The following MTMR10 variants were observed in gnomAD, a reference collection of about 807,000 sequenced individuals.
MTMR10 encodes the protein myotubularin-related protein 10.
Under a neutral mutation model 88.1 loss-of-function variants are expected in MTMR10, and 56 were observed. That is an observed-to-expected ratio of 0.64 (90% CI 0.51 to 0.79). The LOEUF is 0.79. MTMR10 is among the 30% of genes least tolerant of loss of function. The probability of loss-of-function intolerance (pLI) is 0.00; values close to 1 mark genes in which losing one functional copy is unlikely to be tolerated. For synonymous variants in MTMR10, 380 were observed against 340.9 expected (o/e 1.11, Z -1.26); for missense variants, 883 against 924.7 (o/e 0.95, Z 0.58).
At chr15:30,964,627 A>T (rs1336483973) in intron 6 of MTMR10, among the ~76,000 whole-genome samples, 4 of 152,204 alleles carry the variant, frequency 2.6e-5, no homozygotes, top group Non-Finnish European at 5.9e-5. Context: ...TCCAAAGTTC[A>T]AAAGACCTGA....
At chr15:30,922,143 A>G in the MTMR10 span, 25 of 1,450,130 alleles carry the variant, frequency 1.7e-5, no homozygotes, top group South Asian at 3.3e-4. Context: ...ACGCATTATA[A>G]ATAGGCTTTA....
At chr15:30,979,428 GT>G (rs1475917193) in intron 2 of MTMR10, among the ~76,000 whole-genome samples, 2 of 151,626 alleles carry the variant, frequency 1.3e-5, no homozygotes, top group African/African-American at 4.8e-5. Context: ...AGGCGTGGTG[GT>G]GCGCCAGGCG....
intron 13 of MTMR10, among the ~76,000 whole-genome samples, chr15:30,947,841 C>T (rs552453836): frequency 6.6e-6 from 1 of 152,308 alleles, no homozygotes; most frequent in Admixed American, 6.5e-5. Context: ...ACTGATCTGA[C>T]TGACCTGCCT....
the MTMR10 span, chr15:30,926,544 CA>C: frequency 1.2e-6 from 1 of 847,540 alleles, no homozygotes; most frequent in Non-Finnish European, 1.4e-6. Flanking sequence ...TAGGAGTTTA[CA>C]AAGCCCAGGT....
chr15:30,938,894 C>G (rs1287426149), downstream of MTMR10: 2 of 984,108 alleles, frequency 2.0e-6, no homozygotes, highest in African/African-American at 3.5e-5. Context: ...TTCACCTCTT[C>G]TATCAATCAC....
At chr15:30,958,666 ATTATAT>A (rs1319940541) in intron 9 of MTMR10, among the ~76,000 whole-genome samples, 191 bp downstream of exon 9, 1 of 152,210 alleles carries the variant, frequency 6.6e-6, no homozygotes, top group Admixed American at 6.5e-5. Context: ...AAATAATTAA[ATTATAT>A]TTAGTGTAAC....
At chr15:30,944,831 C>T (rs1595908832) in intron 14 of MTMR10, among the ~76,000 whole-genome samples, 4 of 151,302 alleles carry the variant, frequency 2.6e-5, no homozygotes, top group African/African-American at 7.3e-5. Context: ...GGCAACATGG[C>T]GAAACCCTGA....
the MTMR10 span, among the ~76,000 whole-genome samples, chr15:30,932,552 G>A: frequency 6.6e-6 from 1 of 151,992 alleles, no homozygotes; most frequent in African/African-American, 2.4e-5. Flanking sequence ...GAGATTTTGG[G>A]GGGAGGAAAA....
At chr15:30,933,141 C>T in the MTMR10 span, among the ~76,000 whole-genome samples, 3 of 152,054 alleles carry the variant, frequency 2.0e-5, no homozygotes, top group Non-Finnish European at 4.4e-5. Flanking sequence ...GGAGGTTTAT[C>T]AATTTACTGA....
Position 30,940,031 on chromosome 15 carries a change from G to C in MTMR10, c.*1439C>G. ...GAAACAGCTATTCAGTACATATAAA[G>C]GTAAAATACAGTTATCTTGAAAACA... On this transcript the variant is annotated 3_prime_UTR_variant, in exon 16 of 16. Transcript: ENST00000435680. 7 of 976,650 alleles carry C rather than the reference G, an allele frequency of 7.2e-6. No homozygotes were observed. The highest frequency in any genetic ancestry group is 8.5e-6 in the Non-Finnish European group (7 of 822,090). 60.5% of individuals were successfully genotyped at this position (976,650 alleles called of 1,614,324 possible). A position where few individuals can be genotyped will look rare whatever the true frequency, so the allele number is the denominator to read the frequency against.
intron 14 of MTMR10, among the ~76,000 whole-genome samples, chr15:30,944,270 CTT>C (rs2140992948): frequency 6.6e-6 from 1 of 152,214 alleles, no homozygotes; most frequent in East Asian, 1.9e-4. Flanking sequence ...TACACATACT[CTT>C]AACAGTTTTG....
Position 30,939,748 on chromosome 15 carries a change from A to G in MTMR10, c.*1722T>C, listed in dbSNP as rs940237694. ...AAAAAAGCAGCTAAATGAAAAAGGG[A>G]GAATTGTGATTACACTGTCAATGGC... On this transcript the variant is annotated 3_prime_UTR_variant, in exon 16 of 16. Coordinates refer to ENST00000435680, the MANE Select transcript of MTMR10 (RefSeq NM_017762.3). 7.1e-6 allele frequency: 7 copies of G among 984,708 alleles called. No individual in the cohort carries two copies. Among genetic ancestry groups the G allele is most frequent in the Non-Finnish European group, 6.0e-6 (5 of 829,376 alleles). The allele number at this position is 984,708 out of a possible 1,614,324, so 61.0% of individuals were successfully genotyped here.
intron 5 of MTMR10, among the ~76,000 whole-genome samples, chr15:30,971,088 C>A (rs2063532854): frequency 1.1e-4 from 16 of 152,034 alleles, no homozygotes; most frequent in Admixed American, 1.0e-3. Context: ...AAAGCCAGGG[C>A]CCCATTCTTT....
intron 12 of MTMR10, 76 bp downstream of exon 12, chr15:30,951,892 C>T: frequency 8.0e-7 from 1 of 1,246,148 alleles, no homozygotes; most frequent in Non-Finnish European, 1.2e-6. Context: ...ATGTGATTTA[C>T]TTGAATGGGG....
At chr15:30,930,882 G>A in the MTMR10 span, among the ~76,000 whole-genome samples, 1 of 152,164 alleles carries the variant, frequency 6.6e-6, no homozygotes, top group Non-Finnish European at 1.5e-5. Flanking sequence ...GAGCAAGACA[G>A]AGCTCCATCT....
rs1296017417 is a variant in MTMR10, at chr15:30,939,390, C to T, written c.*2080G>A. The T allele has an allele frequency of 7.1e-6, 7 of 985,374 alleles. No homozygotes were observed. In the East Asian group the frequency reaches 6.8e-4, roughly 96 times the overall value. The allele number at this position is 985,374 out of a possible 1,614,324, so 61.0% of individuals were successfully genotyped here. A position where few individuals can be genotyped will look rare whatever the true frequency, so the allele number is the denominator to read the frequency against. ...TAGTGCGCCCTGTGCAGCCACACCA[C>T]TGCTGTCACCACATGTCCCTCTGAC... is the stretch of plus-strand genomic sequence containing the variant. On this transcript the variant is annotated 3_prime_UTR_variant, in exon 16 of 16. Coordinates refer to ENST00000435680, the MANE Select transcript of MTMR10 (RefSeq NM_017762.3).
chr15:30,953,247 G>A (rs562862150), intron 11 of MTMR10, among the ~76,000 whole-genome samples: 2 of 152,344 alleles, frequency 1.3e-5, no homozygotes, highest in African/African-American at 2.4e-5. Context: ...GCACAGGGGA[G>A]CCTTGTCATG....
At chr15:30,943,718 T>C in intron 14 of MTMR10, 1 of 985,484 alleles carries the variant, frequency 1.0e-6, no homozygotes, top group Non-Finnish European at 1.2e-6. Flanking sequence ...AGCCTAGTTA[T>C]CTGGCTTCCC....
chr15:30,925,025 C>T, the MTMR10 span: 4 of 1,285,506 alleles, frequency 3.1e-6, no homozygotes, highest in African/African-American at 6.0e-5. Flanking sequence ...TGCTAATCAG[C>T]AAAATTCAAT....
Sources: allele counts gnomAD v4.1 joint callset (sites outside exome capture counted in the v4.1 genomes callset), GRCh38; gene constraint gnomAD v4.1.1; transcripts MANE v1.5; gene names NCBI Gene and HGNC (gene_info 2026-07-23, HGNC 2026-07-21).